CSNK1G1: variants seen among roughly 807,000 people sequenced by gnomAD.
CSNK1G1 encodes casein kinase I isoform gamma-1.
In CSNK1G1, 22 loss-of-function variants were observed where a neutral mutation model predicts 59.6. The ratio of observed to expected loss-of-function variants is 0.37; its 90% CI spans 0.26 to 0.53. The LOEUF is 0.53. CSNK1G1 is among the 20% of genes least tolerant of loss of function. The pLI, the probability that CSNK1G1 is intolerant of heterozygous loss-of-function variation, is 0.89. For missense variants in CSNK1G1, 384 were observed against 519.5 expected (o/e 0.74, Z 2.54); for synonymous variants, 179 against 177.1 (o/e 1.01, Z -0.08).
chr15:64,179,618 T>G (rs1466339258), intron 11 of CSNK1G1, among the ~76,000 whole-genome samples: 1 of 152,150 alleles, frequency 6.6e-6, no homozygotes, highest in African/African-American at 2.4e-5. Context: ...AAATTTGGGA[T>G]GGGGAAAAAA....
At chr15:64,201,180 G>A (rs566000228) in intron 10 of CSNK1G1, among the ~76,000 whole-genome samples, 70 of 149,984 alleles carry the variant, frequency 4.7e-4, no homozygotes, top group Admixed American at 4.5e-3. Flanking sequence ...GCTGAGACAG[G>A]AGAATTGCTT....
intron 4 of CSNK1G1, among the ~76,000 whole-genome samples, chr15:64,228,100 T>G (rs997889048): frequency 6.6e-6 from 1 of 152,166 alleles, no homozygotes; most frequent in Non-Finnish European, 1.5e-5. Context: ...TTTTAAGAAA[T>G]TTTCTTGCCC....
chr15:64,218,974 C>T (rs1011531227), intron 4 of CSNK1G1, among the ~76,000 whole-genome samples: 4 of 151,850 alleles, frequency 2.6e-5, no homozygotes, highest in African/African-American at 7.3e-5. Flanking sequence ...CCTGCCTCAG[C>T]CTCCTGAGTA....
intron 10 of CSNK1G1, chr15:64,181,257 C>T (rs1172148486): frequency 2.6e-6 from 4 of 1,535,876 alleles, no homozygotes; most frequent in Non-Finnish European, 3.5e-6. Flanking sequence ...TAAGTGAAGG[C>T]TCTCACTCCT....
At chr15:64,305,817 C>A (rs1895659150) in intron 1 of CSNK1G1, among the ~76,000 whole-genome samples, 1 of 144,034 alleles carries the variant, frequency 6.9e-6, no homozygotes. Context: ...GAATGGAAAG[C>A]CCAGAAATAG....
intron 1 of CSNK1G1, among the ~76,000 whole-genome samples, chr15:64,332,923 G>A (rs938321337): frequency 6.6e-6 from 1 of 152,084 alleles, no homozygotes; most frequent in African/African-American, 2.4e-5. Context: ...AGAAAAACCA[G>A]AAAGTTTGGA....
At chr15:64,204,681 TAC>T in intron 8 of CSNK1G1, 92 bp from the exon 9 acceptor site, 2 of 1,370,534 alleles carry the variant, frequency 1.5e-6, no homozygotes, top group African/African-American at 1.5e-5. Flanking sequence ...GGGTTATTTA[TAC>T]AGACAATTTG....
At chr15:64,307,810 C>G (rs1185613520) in intron 1 of CSNK1G1, among the ~76,000 whole-genome samples, 1 of 152,166 alleles carries the variant, frequency 6.6e-6, no homozygotes, top group East Asian at 1.9e-4. Context: ...CCTCAGCCTC[C>G]TGAGTAGCTG....
At chr15:64,193,230 G>A (rs539618612) in intron 10 of CSNK1G1, among the ~76,000 whole-genome samples, 2 of 152,088 alleles carry the variant, frequency 1.3e-5, no homozygotes, top group African/African-American at 2.4e-5. Flanking sequence ...GGTGGCTCAC[G>A]CCTGTAATCC....
intron 1 of CSNK1G1, among the ~76,000 whole-genome samples, chr15:64,307,829 G>A (rs1895761944): frequency 6.6e-6 from 1 of 152,134 alleles, no homozygotes; most frequent in South Asian, 2.1e-4. Flanking sequence ...TGGGACTACA[G>A]GTGCCCACCA....
At chr15:64,208,922 C>G (rs2082217081) in intron 6 of CSNK1G1, among the ~76,000 whole-genome samples, 1 of 149,146 alleles carries the variant, frequency 6.7e-6, no homozygotes, top group South Asian at 2.1e-4. Flanking sequence ...AGGTCTCGCT[C>G]TGTTGCCTAG....
In CSNK1G1 at chr15:64,210,191, T is replaced by G. The variant is rs1023528347; in HGVS notation, c.680-2597A>C. The stretch of plus-strand genomic sequence containing the variant: ...TAGGTATCTAGATCTTGGTTTATCC[T>G]TTCCACTAATTTAATCCAGTGAAAT... On this transcript the variant is annotated intron_variant, in intron 6 of 11. Transcript: ENST00000303052. This position sits in a 1 kb window ranked among gnomAD's most constrained non-coding sequence, Gnocchi z 4.2. 2.4e-4 allele frequency among the ~76,000 whole-genome samples: 36 copies of G among 152,292 alleles called. 1 individual carries two copies. Among genetic ancestry groups the G allele is most frequent in the Admixed American group, 1.8e-3 (28 of 15,308 alleles).
At chr15:64,266,533 T>C (rs555711495) in intron 2 of CSNK1G1, among the ~76,000 whole-genome samples, 10 of 152,216 alleles carry the variant, frequency 6.6e-5, no homozygotes, top group African/African-American at 2.4e-4. Context: ...CTAAAATTCA[T>C]ATGGAACCAC....
At chr15:64,178,535 G>A (rs888268734) in intron 11 of CSNK1G1, among the ~76,000 whole-genome samples, 1 of 147,842 alleles carries the variant, frequency 6.8e-6, no homozygotes, top group African/African-American at 2.5e-5. Flanking sequence ...AGGATGGAGT[G>A]CGGTGGCACA....
chr15:64,335,916 A>T (rs964914048), intron 1 of CSNK1G1: 12 of 152,320 alleles, frequency 7.9e-5, no homozygotes, highest in Admixed American at 2.0e-4. Flanking sequence ...ATCTTTTTCA[A>T]TGCAAGCACA....
intron 2 of CSNK1G1, among the ~76,000 whole-genome samples, chr15:64,281,365 A>C (rs959131297): frequency 2.0e-5 from 3 of 152,196 alleles, no homozygotes; most frequent in Admixed American, 6.5e-5. Flanking sequence ...AAAACTTTGG[A>C]AGGGCGAGGC....
At chr15:64,225,864 T>C (rs570075103) in intron 4 of CSNK1G1, among the ~76,000 whole-genome samples, 1 of 152,290 alleles carries the variant, frequency 6.6e-6, no homozygotes, top group African/African-American at 2.4e-5. Flanking sequence ...TGACCTCAGG[T>C]GATCCACCTG....
chr15:64,290,104 T>C (rs947904575), intron 2 of CSNK1G1, among the ~76,000 whole-genome samples: 1 of 152,144 alleles, frequency 6.6e-6, no homozygotes. Context: ...ACTTATACAC[T>C]GTTGGCGGGA....
At chr15:64,281,708 C>T (rs977028204) in intron 2 of CSNK1G1, among the ~76,000 whole-genome samples, 6 of 151,132 alleles carry the variant, frequency 4.0e-5, no homozygotes, top group Non-Finnish European at 5.9e-5. Context: ...GGCGTGGTGG[C>T]GAGCGCCTGT....
Sources: allele counts gnomAD v4.1 joint callset (sites outside exome capture counted in the v4.1 genomes callset), GRCh38; gene constraint gnomAD v4.1.1; non-coding constraint Gnocchi (gnomAD v3.1); transcripts MANE v1.5; gene names NCBI Gene and HGNC (gene_info 2026-07-23, HGNC 2026-07-21).